The following MYBPC3 variants were observed in gnomAD, a reference collection of about 807,000 sequenced individuals.
The protein encoded by MYBPC3 is myosin binding protein C3.
Under a neutral mutation model 159.3 loss-of-function variants are expected in MYBPC3, and 108 were observed. That is an observed-to-expected ratio of 0.68 (90% confidence interval 0.58 to 0.80). The LOEUF is 0.80. Among genes scored for constraint, MYBPC3 ranks in the 30% least tolerant of loss-of-function variants. MYBPC3 has a pLI of 0.00. For synonymous variants in MYBPC3, 730 were observed against 702.0 expected (o/e 1.04, Z -0.63); for missense variants, 1,631 against 1,762.1 (o/e 0.93, Z 1.33).
rs1555120305 is a variant in MYBPC3, at chr11:47,332,674, C to T, written c.3519G>A (p.Lys1173=). 8.7e-6 allele frequency: 14 copies of T among 1,612,730 alleles called. No homozygotes were observed. The highest frequency in any genetic ancestry group is 1.7e-5 in the Admixed American group (1 of 59,786). ...TTGGGGCCTCGGAGAAGTCCAGGGC[C>T]TTATAGTTGGGTGGCTCATAGGTGA... The part of the protein sequence containing the change: ...PGITYEPPNY[K]ALDFSEAPSF... The change falls in exon 32 of 35, where the codon AAG becomes AAA. Residue 1173 remains lysine, a synonymous_variant. Coordinates refer to ENST00000545968, the MANE Select transcript of MYBPC3 (RefSeq NM_000256.3). This position sits in a 1 kb window ranked among gnomAD's most constrained non-coding sequence, Gnocchi z 4.2.
In MYBPC3 at chr11:47,347,022, C is replaced by A. The variant is rs1164891520; in HGVS notation, c.908+5G>T. The A allele has an allele frequency of 3.8e-6, 3 of 795,502 alleles. No homozygotes were observed. The highest frequency in any genetic ancestry group is 2.7e-5 in the South Asian group (2 of 75,104). 49.3% of individuals were successfully genotyped at this position (795,502 alleles called of 1,614,324 possible). On this transcript the variant is annotated splice_donor_5th_base_variant and intron_variant, in intron 10 of 34. Coordinates refer to ENST00000545968, the MANE Select transcript of MYBPC3 (RefSeq NM_000256.3). ...GCCCCCAAACACCCAGACCCCGATT[C>A]TTACTCTCTGGGCCACAGCAGCAGC...
chr11:47,340,915 C>T, intron 20 of MYBPC3, 88 bp downstream of exon 20: 15 of 1,388,842 alleles, frequency 1.1e-5, no homozygotes, highest in African/African-American at 1.5e-5. Context: ...TTGATCCTTG[C>T]TCTTCCCTCT....
chr11:47,350,445 C>T lies in MYBPC3; in HGVS notation c.406+57G>A, dbSNP rs528619525. 5.9e-6 allele frequency: 9 copies of T among 1,531,806 alleles called. No individual in the cohort carries two copies. In the African/African-American group the frequency reaches 8.4e-5, roughly 14 times the overall value. The allele number at this position is 1,531,806 out of a possible 1,614,324, so 94.9% of individuals were successfully genotyped here. Reference sequence around the variant, plus strand: ...CTGGCCCAGCAAAGGCTTTTGAGACCTGCCCTGGACACGCCCTACCCACGG... The same window carrying T: ...CTGGCCCAGCAAAGGCTTTTGAGACTTGCCCTGGACACGCCCTACCCACGG... On this transcript the variant is annotated intron_variant, in intron 3 of 34. Transcript: ENST00000545968.
Position 47,333,324 on chromosome 11 carries a change from C to G in MYBPC3, c.3200G>C (p.Ser1067Thr). The change falls in exon 30 of 35, where the codon AGT becomes ACT. Residue 1067 changes from serine to threonine, a missense_variant. Coordinates refer to ENST00000545968, the MANE Select transcript of MYBPC3 (RefSeq NM_000256.3). Reference sequence around the variant, plus strand: ...AGTCACCCGGAGATCCTGGGGAGGACTTGGCTTGTCTGCGGGAGACAGACC... The same window carrying G: ...AGTCACCCGGAGATCCTGGGGAGGAGTTGGCTTGTCTGCGGGAGACAGACC... ...TLVLQVVDKP[S>T]PPQDLRVTDA... The G allele has an allele frequency of 6.3e-7, 1 of 1,576,750 alleles. No homozygotes were observed. The highest frequency in any genetic ancestry group is 8.6e-7 in the Non-Finnish European group (1 of 1,159,410).
intron 21 of MYBPC3, 89 bp from the exon 22 acceptor site, chr11:47,339,493 A>G (rs1287399986): frequency 6.6e-7 from 1 of 1,515,676 alleles, no homozygotes; most frequent in Non-Finnish European, 9.1e-7. Flanking sequence ...CCCCTGACCC[A>G]CACTGCCCAC....
intron 6 of MYBPC3, 44 bp downstream of exon 6, chr11:47,348,380 C>A: frequency 1.4e-6 from 2 of 1,422,536 alleles, no homozygotes. Flanking sequence ...AGACCAGGAC[C>A]CATGGGGAGC....
At chr11:47,349,705 T>G in intron 5 of MYBPC3, 69 bp downstream of exon 5, 1 of 1,542,002 alleles carries the variant, frequency 6.5e-7, no homozygotes. Flanking sequence ...GTGCCCTCTG[T>G]GTGCCTTGTG....
At chr11:47,335,538 A>T (rs893072337) in intron 26 of MYBPC3, 2 of 279,180 alleles carry the variant, frequency 7.2e-6, no homozygotes, top group Non-Finnish European at 1.3e-5. Context: ...CGTTGGTCAG[A>T]CTGGTCTCGA....
intron 20 of MYBPC3, among the ~76,000 whole-genome samples, chr11:47,340,279 A>G (rs1330842579): frequency 1.3e-5 from 2 of 152,112 alleles, no homozygotes; most frequent in African/African-American, 2.4e-5. Context: ...AGACACATGC[A>G]CACACACACA....
intron 1 of MYBPC3, among the ~76,000 whole-genome samples, chr11:47,352,113 T>C (rs567779590): frequency 6.6e-6 from 1 of 151,978 alleles, no homozygotes; most frequent in East Asian, 1.9e-4. Context: ...ACCCTCAACA[T>C]GGGGGCCACA....
chr11:47,343,060 C>T lies in MYBPC3; in HGVS notation c.1312G>A (p.Val438Met). 1 of 1,613,132 alleles carries T rather than the reference C, an allele frequency of 6.2e-7. No individual in the cohort carries two copies. Among genetic ancestry groups the T allele is most frequent in the Non-Finnish European group, 8.5e-7 (1 of 1,179,638 alleles). The change falls in exon 15 of 35, where the codon GTG becomes ATG. Residue 438 changes from valine to methionine, a missense_variant. Physicochemically the swap from Val to Met is conservative, Grantham distance 21 (BLOSUM62 1). Transcript: ENST00000545968. Reference protein sequence around the residue: ...LADDAAYQCVVGGEKCSTELF... With the variant: ...LADDAAYQCVMGGEKCSTELF... ...TCCGTGCTACACTTCTCGCCACCCA[C>T]CACGCACTGGTAGGCTGCGTCGTCC... is the stretch of plus-strand genomic sequence containing the variant.
chr11:47,341,342 C>A, intron 18 of MYBPC3, 98 bp from the exon 19 acceptor site: 1 of 873,212 alleles, frequency 1.1e-6, no homozygotes, highest in Non-Finnish European at 1.7e-6. Flanking sequence ...TCACCTTGTC[C>A]TGGCTTGTTG....
rs2095893798 is a variant in MYBPC3, at chr11:47,346,156, AG to A, written c.1090+50del. 2 of 1,605,882 alleles carry A rather than the reference AG, an allele frequency of 1.2e-6. No homozygotes were observed. Among genetic ancestry groups the A allele is most frequent in the Non-Finnish European group, 1.7e-6 (2 of 1,175,582 alleles). On this transcript the variant is annotated intron_variant, in intron 12 of 34. Transcript: ENST00000545968. The surrounding 1 kb of genome is among the most constrained non-coding windows in gnomAD (Gnocchi z 5.3). ...ACCTATGCCCTCTCCTCTCCTGTGTAGGGAAGGGCTAGCCTGTGCCCTCTCC... is the reference window on the plus strand; with the variant it reads ...ACCTATGCCCTCTCCTCTCCTGTGTAGGAAGGGCTAGCCTGTGCCCTCTCC...
In MYBPC3 at chr11:47,351,642, T is replaced by G; in HGVS notation, c.26-137A>C. On this transcript the variant is annotated intron_variant, in intron 1 of 34. Coordinates refer to ENST00000545968, the MANE Select transcript of MYBPC3 (RefSeq NM_000256.3). This position sits in a 1 kb window ranked among gnomAD's most constrained non-coding sequence, Gnocchi z 4.2. Reference sequence around the variant, plus strand: ...ATACTCTACCAGTTCTCTGAGGTAGTTGCAGTTATTCTGTTCATTTCTCAG... The same window carrying G: ...ATACTCTACCAGTTCTCTGAGGTAGGTGCAGTTATTCTGTTCATTTCTCAG... 1 of 1,078,090 alleles carries G rather than the reference T, an allele frequency of 9.3e-7. No individual in the cohort carries two copies. Among genetic ancestry groups the G allele is most frequent in the African/African-American group, 1.6e-5 (1 of 62,772 alleles). The allele number at this position is 1,078,090 out of a possible 1,614,324, so 66.8% of individuals were successfully genotyped here.
chr11:47,350,069 G>A lies in MYBPC3; in HGVS notation c.450C>T (p.Pro150=), dbSNP rs377520770. ...AALNGPTPGA[P]DDPIGLFVMR... ...TCACGAAGAGGCCAATGGGGTCATCGGGGGCTCCAGGGGTAGGACCATTGA... is the reference window on the plus strand; with the variant it reads ...TCACGAAGAGGCCAATGGGGTCATCAGGGGCTCCAGGGGTAGGACCATTGA... Residue 150 remains proline, a synonymous_variant, in exon 4 of 35, where the codon CCC becomes CCT. Coordinates refer to ENST00000545968, the MANE Select transcript of MYBPC3 (RefSeq NM_000256.3). 8.6e-5 allele frequency: 134 copies of A among 1,561,618 alleles called. No individual in the cohort carries two copies. In the East Asian group the frequency reaches 8.6e-4, roughly 10 times the overall value.
Position 47,346,820 on chromosome 11 carries a change from G to C in MYBPC3, c.909-176C>G, listed in dbSNP as rs1267884365. Among the ~76,000 whole-genome samples the C allele has an allele frequency of 4.6e-5, 7 of 152,128 alleles. No individual in the cohort carries two copies. The highest frequency in any genetic ancestry group is 2.9e-5 in the Non-Finnish European group (2 of 68,006). The stretch of plus-strand genomic sequence containing the variant: ...TCCGGAGGCTCTGGCAGGACCTCCT[G>C]TGTGCATTACTTTTTCTTATCCCTC... On this transcript the variant is annotated intron_variant, in intron 10 of 34. Transcript: ENST00000545968. The surrounding 1 kb of genome is among the most constrained non-coding windows in gnomAD (Gnocchi z 5.3).
Position 47,338,712 on chromosome 11 carries a change from G to A in MYBPC3, c.2149-33C>T. On this transcript the variant is annotated intron_variant, in intron 22 of 34. Coordinates refer to ENST00000545968, the MANE Select transcript of MYBPC3 (RefSeq NM_000256.3). The surrounding 1 kb of genome is among the most constrained non-coding windows in gnomAD (Gnocchi z 4.7). ...GGTGCAGAGTTGGGGTGAGATCCAA[G>A]TCAGACCCCAGAGGCCCTTGCAGCC... The A allele has an allele frequency of 6.3e-7, 1 of 1,582,888 alleles. No individual in the cohort carries two copies. Among genetic ancestry groups the A allele is most frequent in the Non-Finnish European group, 8.6e-7 (1 of 1,164,232 alleles).
chr11:47,349,231 C>T (rs574529020), intron 5 of MYBPC3, among the ~76,000 whole-genome samples: 5 of 151,278 alleles, frequency 3.3e-5, no homozygotes, highest in East Asian at 1.9e-4. Flanking sequence ...GTGGGCAGGG[C>T]GGAAAAAAAC....
chr11:47,341,013 T>C lies in MYBPC3; in HGVS notation c.1917A>G (p.Val639=). The C allele has an allele frequency of 6.4e-7, 1 of 1,569,316 alleles. No individual in the cohort carries two copies. The highest frequency in any genetic ancestry group is 8.6e-7 in the Non-Finnish European group (1 of 1,158,270). The change falls in exon 20 of 35, where the codon GTA becomes GTG. Residue 639 remains valine, a synonymous_variant. Coordinates refer to ENST00000545968, the MANE Select transcript of MYBPC3 (RefSeq NM_000256.3). ...GGCCCCAAGACTTACCCTGCCTGGG[T>C]ACGAAGTCAATCTTGACCTCTGCAA... ...LHFMEVKIDF[V]PRQEPPKIHL... is the part of the protein sequence containing the mutation.
Sources: gnomAD v4.1 joint callset for allele counts (sites outside exome capture counted in the v4.1 genomes callset) on GRCh38, gnomAD v4.1.1 for gene constraint, Gnocchi (gnomAD v3.1) non-coding constraint, MANE v1.5 for transcripts, NCBI Gene and HGNC (gene_info 2026-07-23, HGNC 2026-07-21) for gene names.